The following SCO1 variants were observed in gnomAD, a reference collection of about 807,000 sequenced individuals.
SCO1 encodes cytochrome c oxidase assembly factor SCO1.
In SCO1, 23 loss-of-function variants were observed where a neutral mutation model predicts 34.0. That is an observed-to-expected ratio of 0.68 (90% CI 0.49 to 0.96). The LOEUF is 0.96. SCO1 is among the 40% of genes least tolerant of loss of function. The probability of loss-of-function intolerance (pLI) is 0.00; values close to 1 mark genes in which losing one functional copy is unlikely to be tolerated. For synonymous variants in SCO1, 161 were observed against 145.5 expected, an observed-to-expected ratio of 1.11 and a Z score of -0.77; for missense variants, 404 against 381.6, an observed-to-expected ratio of 1.06 and a Z score of -0.49.
chr17:10,689,519 G>A (rs552326400), intron 4 of SCO1, among the ~76,000 whole-genome samples: 85 of 152,262 alleles, frequency 5.6e-4, no homozygotes, highest in African/African-American at 1.9e-3. Context: ...CACATATGCT[G>A]AAGAAACTTG....
rs777675643 is a variant in SCO1, at chr17:10,695,795, T to C, written c.310A>G (p.Ile104Val). 9 of 1,613,718 alleles carry C rather than the reference T, an allele frequency of 5.6e-6. No homozygotes were observed. In the Middle Eastern group the frequency reaches 5.0e-4, roughly 89 times the overall value. The stretch of plus-strand genomic sequence containing the variant: ...ATTCCAGCCAGTAAAGCTCCTCCAA[T>C]AGCAAATGTGATTGCTAAAGACTTC... ...SWKSLAITFA[I>V]GGALLAGMKH... Residue 104 changes from isoleucine (I) to valine (V), a missense_variant, in exon 2 of 6, where the codon ATT becomes GTT. By Grantham distance (29) the Ile-to-Val change is conservative. Transcript: ENST00000255390.
At position 10,695,824 on chromosome 17, in the gene SCO1, G is replaced by A. The variant is rs1057194239; in HGVS notation, c.281C>T (p.Ser94Phe). ...STRPSKPGPV[S>F]WKSLAITFAI... is the part of the protein sequence containing the mutation. ...AAATGTGATTGCTAAAGACTTCCAG[G>A]AAACAGGCTACTGGGGCAGGGATTT... Residue 94 changes from serine (S) to phenylalanine (F), a missense_variant, in exon 2 of 6, where the codon TCC becomes TTC. Coordinates refer to ENST00000255390, the MANE Select transcript of SCO1 (RefSeq NM_004589.4). 1.2e-6 allele frequency: 2 copies of A among 1,612,412 alleles called. No individual in the cohort carries two copies. The highest frequency in any genetic ancestry group is 1.1e-5 in the South Asian group (1 of 91,054).
chr17:10,688,139 A>G (rs1428230153), intron 4 of SCO1, among the ~76,000 whole-genome samples: 1 of 152,254 alleles, frequency 6.6e-6, no homozygotes. Context: ...GCACTATATT[A>G]AAAGGACAAA....
In SCO1 at chr17:10,680,115, G is replaced by A. The variant is rs1388887838; in HGVS notation, c.*1004C>T. The stretch of plus-strand genomic sequence containing the variant: ...CCCAAAAAACACTTTCTTAAGGGAT[G>A]GTCCCAGTCCGCCAGCATCCGAGTC... On this transcript the variant is annotated 3_prime_UTR_variant, in exon 6 of 6. Coordinates refer to ENST00000255390, the MANE Select transcript of SCO1 (RefSeq NM_004589.4). 6.6e-6 allele frequency: 1 copy of A among 152,338 alleles called. No individual in the cohort carries two copies. Among genetic ancestry groups the A allele is most frequent in the Non-Finnish European group, 1.5e-5 (1 of 68,164 alleles). The allele number at this position is 152,338 out of a possible 1,614,324, so 9.4% of individuals were successfully genotyped here.
Position 10,691,832 on chromosome 17 carries a change from TTAAGGCTA to T in SCO1, c.655+32_655+39del, listed in dbSNP as rs143227918. 1.7e-4 allele frequency: 235 copies of T among 1,371,508 alleles called. 1 individual carries two copies. In the African/African-American group the frequency reaches 2.8e-3, roughly 16 times the overall value. 85.0% of individuals were successfully genotyped at this position (1,371,508 alleles called of 1,614,324 possible). On this transcript the variant is annotated intron_variant, in intron 4 of 5. Coordinates refer to ENST00000255390, the MANE Select transcript of SCO1 (RefSeq NM_004589.4). ...CAAATGAACTGATATTCCAAAAACT[TTAAGGCTA>T]AATAAATGTAAAGTATTATTTAAAA...
chr17:10,686,788 A>G lies in SCO1; in HGVS notation c.710T>C (p.Val237Ala). Residue 237 changes from valine to alanine, a missense_variant, in exon 5 of 6, where the codon GTG (valine) becomes GCG (alanine). Physicochemically the swap from Val to Ala is moderately conservative, Grantham distance 64 (BLOSUM62 0). Transcript: ENST00000255390. ...LTGTREEVDQ[V>A]ARAYRVYYSP... ...GTAATACACTCTGTATGCTCTGGCC[A>G]CTTGATCGACCTCTTCTCTCGTGCC... is the stretch of plus-strand genomic sequence containing the variant. The G allele has an allele frequency of 6.2e-7, 1 of 1,614,096 alleles. No individual in the cohort carries two copies. Among genetic ancestry groups the G allele is most frequent in the South Asian group, 1.1e-5 (1 of 91,080 alleles).
intron 4 of SCO1, among the ~76,000 whole-genome samples, chr17:10,689,282 A>C (rs2074676835): frequency 6.6e-6 from 1 of 152,178 alleles, no homozygotes; most frequent in Non-Finnish European, 1.5e-5. Flanking sequence ...TATATACTTC[A>C]AATATCTATA....
At position 10,692,111 on chromosome 17, in the gene SCO1, G is replaced by T. The variant is rs565840278; in HGVS notation, c.563-147C>A. ...CTTAACATTCAGGTGAAGAGGAAGAGGACGGGGAAGGGGATGGAGAAGGGA... is the reference window on the plus strand; with the variant it reads ...CTTAACATTCAGGTGAAGAGGAAGATGACGGGGAAGGGGATGGAGAAGGGA... On this transcript the variant is annotated intron_variant, in intron 3 of 5. Transcript: ENST00000255390. The T allele has an allele frequency of 1.2e-5, 8 of 692,278 alleles. No homozygotes were observed. The Admixed American group carries it at 1.7e-4, about 14-fold the overall frequency. The allele number at this position is 692,278 out of a possible 1,614,324, so 42.9% of individuals were successfully genotyped here. A position where few individuals can be genotyped will look rare whatever the true frequency, so the allele number is the denominator to read the frequency against.
intron 5 of SCO1, among the ~76,000 whole-genome samples, chr17:10,683,596 T>C (rs1276140742): frequency 6.6e-6 from 1 of 152,144 alleles, no homozygotes; most frequent in Non-Finnish European, 1.5e-5. Context: ...TTCTGACCAC[T>C]GCTGAGCCAA....
intron 2 of SCO1, among the ~76,000 whole-genome samples, chr17:10,693,855 G>A (rs1034802437): frequency 2.0e-5 from 3 of 152,152 alleles, no homozygotes; most frequent in Admixed American, 6.5e-5. Context: ...GACAACTTGG[G>A]CATCAAAATA....
chr17:10,683,461 C>CT (rs1266806535), intron 5 of SCO1, among the ~76,000 whole-genome samples: 1 of 152,096 alleles, frequency 6.6e-6, no homozygotes, highest in Non-Finnish European at 1.5e-5. Context: ...TACTGTTAAA[C>CT]TGCCCTCTGA....
chr17:10,685,898 A>G (rs2074652264), intron 5 of SCO1, among the ~76,000 whole-genome samples: 1 of 152,230 alleles, frequency 6.6e-6, no homozygotes, highest in African/African-American at 2.4e-5. Flanking sequence ...TTGAATTATG[A>G]GAACAGTGAA....
At chr17:10,690,348 A>T (rs2074682270) in intron 4 of SCO1, among the ~76,000 whole-genome samples, 1 of 152,236 alleles carries the variant, frequency 6.6e-6, no homozygotes, top group Non-Finnish European at 1.5e-5. Context: ...AACACCAAAA[A>T]GACAAATAAC....
In SCO1 at chr17:10,673,538, C is replaced by T. The variant is rs931913287; in HGVS notation, c.*7581G>A. ...TGGAATGTAATCCTTGCAGGGCTCT[C>T]TGCCCCACTTTCTTCTGTAACTAAG... On this transcript the variant is annotated 3_prime_UTR_variant, in exon 6 of 6. Coordinates refer to ENST00000255390, the MANE Select transcript of SCO1 (RefSeq NM_004589.4). 19 of 152,268 alleles carry T rather than the reference C, an allele frequency of 1.2e-4. No homozygotes were observed. Among genetic ancestry groups the T allele is most frequent in the Non-Finnish European group, 2.2e-4 (15 of 68,078 alleles). 9.4% of individuals were successfully genotyped at this position (152,268 alleles called of 1,614,324 possible).
chr17:10,694,684 G>A (rs1343686195), intron 2 of SCO1, among the ~76,000 whole-genome samples: 3 of 151,906 alleles, frequency 2.0e-5, no homozygotes, highest in Admixed American at 6.6e-5. Context: ...TAAAACAAAC[G>A]TTAGAATTGC....
rs763072485 is a variant in SCO1 at position 10,689,051 on chromosome 17, GCT to G, written c.656-2211_656-2210del. Among the ~76,000 whole-genome samples the G allele has an allele frequency of 2.6e-4, 35 of 132,858 alleles. 1 individual carries two copies. Among genetic ancestry groups the G allele is most frequent in the Non-Finnish European group, 4.2e-4 (28 of 66,594 alleles). 87.2% of individuals were successfully genotyped at this position (132,858 alleles called of 152,430 possible). A position where few individuals can be genotyped will look rare whatever the true frequency, so the allele number is the denominator to read the frequency against. Reference sequence around the variant, plus strand: ...GAATGGCGTGAACCCGGGAGGCGGAGCTTGCAGTGAGCCGAGATCCCGCCACT... The same window carrying G: ...GAATGGCGTGAACCCGGGAGGCGGAGTGCAGTGAGCCGAGATCCCGCCACT... On this transcript the variant is annotated intron_variant, in intron 4 of 5. Transcript: ENST00000255390.
At chr17:10,687,694 T>C (rs1430723069) in intron 4 of SCO1, among the ~76,000 whole-genome samples, 1 of 152,208 alleles carries the variant, frequency 6.6e-6, no homozygotes, top group Non-Finnish European at 1.5e-5. Context: ...TAAAACTAAA[T>C]TGCTGAAACT....
intron 2 of SCO1, among the ~76,000 whole-genome samples, chr17:10,695,041 C>T (rs925052910): frequency 8.5e-5 from 13 of 152,314 alleles, no homozygotes; most frequent in African/African-American, 3.1e-4. Context: ...CTAGGATATT[C>T]ACTAAAATGC....
At position 10,691,860 on chromosome 17, in the gene SCO1, T is replaced by C. The variant is rs747315491; in HGVS notation, c.655+12A>G. 7.1e-6 allele frequency: 11 copies of C among 1,558,616 alleles called. No homozygotes were observed. The highest frequency in any genetic ancestry group is 6.7e-5 in the Admixed American group (4 of 59,934). On this transcript the variant is annotated intron_variant, in intron 4 of 5. Transcript: ENST00000255390. Reference sequence around the variant, plus strand: ...AGGCTAAATAAATGTAAAGTATTATTTAAAAAAATACCTTTCACATAATTT... The same window carrying C: ...AGGCTAAATAAATGTAAAGTATTATCTAAAAAAATACCTTTCACATAATTT...
Sources: allele counts gnomAD v4.1 joint callset (sites outside exome capture counted in the v4.1 genomes callset), GRCh38; gene constraint gnomAD v4.1.1; transcripts MANE v1.5; gene names NCBI Gene and HGNC (gene_info 2026-07-23, HGNC 2026-07-21).